EFHD1: variants seen among roughly 807,000 people sequenced by gnomAD.
EFHD1 encodes EF-hand domain family member D1.
Under a neutral mutation model 17.2 loss-of-function variants are expected in EFHD1, and 10 were observed. The observed-to-expected ratio is 0.58, with a 90% CI of 0.36 to 0.99. EFHD1 has a LOEUF of 0.99. Among genes scored for constraint, EFHD1 ranks in the 50% least tolerant of loss-of-function variants. The pLI, the probability that EFHD1 is intolerant of heterozygous loss-of-function variation, is 0.01. For synonymous variants in EFHD1, 153 were observed against 142.0 expected (o/e 1.08, Z -0.55); for missense variants, 310 against 327.5 (o/e 0.95, Z 0.41).
At chr2:232,649,219 G>A (rs994851054) in intron 1 of EFHD1, among the ~76,000 whole-genome samples, 1 of 152,220 alleles carries the variant, frequency 6.6e-6, no homozygotes, top group African/African-American at 2.4e-5. Flanking sequence ...CTGGCCCTGG[G>A]TGGGGTTGGG....
intron 3 of EFHD1, among the ~76,000 whole-genome samples, chr2:232,681,208 A>T (rs541234146): frequency 6.6e-6 from 1 of 152,284 alleles, no homozygotes; most frequent in East Asian, 1.9e-4. Flanking sequence ...CCATCAGGGG[A>T]TTCATTTTGG....
intron 1 of EFHD1, among the ~76,000 whole-genome samples, chr2:232,626,437 A>G (rs1694104964): frequency 6.6e-6 from 1 of 151,658 alleles, no homozygotes; most frequent in Admixed American, 6.6e-5. Context: ...AATCCCAGCT[A>G]CTCTGGAAGC....
upstream of EFHD1, among the ~76,000 whole-genome samples, chr2:232,629,525 G>A (rs900241895): frequency 1.3e-4 from 19 of 151,542 alleles, no homozygotes; most frequent in African/African-American, 4.1e-4. Flanking sequence ...CTGGAGTGCA[G>A]TGGTGCCATC....
In EFHD1 at chr2:232,662,894, A is replaced by G. The variant is rs1694902138; in HGVS notation, c.395A>G (p.Lys132Arg). The G allele has an allele frequency of 6.3e-7, 1 of 1,595,814 alleles. No homozygotes were observed. Among genetic ancestry groups the G allele is most frequent in the Non-Finnish European group, 8.5e-7 (1 of 1,173,084 alleles). The stretch of plus-strand genomic sequence containing the variant: ...GCCCCCCAGACCCACCTGGGCCTGA[A>G]GAGCATGATCAAGGAGGTGGATGAG... ...LGAPQTHLGL[K>R]SMIKEVDEDF... The change falls in exon 2 of 4, where the codon AAG becomes AGG. Residue 132 changes from lysine (K) to arginine (R), a missense_variant. Coordinates refer to ENST00000264059, the MANE Select transcript of EFHD1 (RefSeq NM_025202.4).
At chr2:232,660,101 G>C (rs1234108449) in intron 1 of EFHD1, among the ~76,000 whole-genome samples, 1 of 152,128 alleles carries the variant, frequency 6.6e-6, no homozygotes, top group African/African-American at 2.4e-5. Flanking sequence ...ATTTGGTGGG[G>C]ATGCAGATCC....
intron 1 of EFHD1, among the ~76,000 whole-genome samples, chr2:232,613,662 A>ACACACACACACACAAATC: frequency 1.6e-5 from 1 of 63,102 alleles, no homozygotes; most frequent in Non-Finnish European, 2.9e-5. Flanking sequence ...ACACACAAAT[A>ACACACACACACACAAATC]CACACACACA....
chr2:232,676,154 G>A (rs1168467179), intron 3 of EFHD1, among the ~76,000 whole-genome samples: 3 of 151,868 alleles, frequency 2.0e-5, no homozygotes, highest in Admixed American at 6.6e-5. Context: ...CAGCCTGGGC[G>A]ACAGAGCAAG....
chr2:232,657,266 T>G (rs766261639), intron 1 of EFHD1, among the ~76,000 whole-genome samples: 4 of 152,146 alleles, frequency 2.6e-5, no homozygotes, highest in Non-Finnish European at 5.9e-5. Context: ...TCTACTTCTG[T>G]CTCGATGATT....
chr2:232,655,231 G>GAT, intron 1 of EFHD1, among the ~76,000 whole-genome samples: 1 of 152,070 alleles, frequency 6.6e-6, no homozygotes, highest in African/African-American at 2.4e-5. Flanking sequence ...TGTTGCCCAG[G>GAT]CTGGACTTGA....
chr2:232,660,993 C>T lies in EFHD1; in HGVS notation c.303-1809C>T, dbSNP rs1246441806. ...ACTCCGTCTCAAAAACAAAACAAAA[C>T]AAAAATTAGCTGGGTGTGGTGGCGC... On this transcript the variant is annotated intron_variant, in intron 1 of 3. Transcript: ENST00000264059. Among the ~76,000 whole-genome samples the T allele has an allele frequency of 2.6e-5, 4 of 151,768 alleles. 1 individual carries two copies. The highest frequency in any genetic ancestry group is 9.7e-5 in the African/African-American group (4 of 41,320).
chr2:232,677,700 G>C (rs937021301), intron 3 of EFHD1, among the ~76,000 whole-genome samples: 1 of 152,234 alleles, frequency 6.6e-6, no homozygotes, highest in Middle Eastern at 3.4e-3. Context: ...TCCAGTCTGG[G>C]TGACAGAGTA....
intron 1 of EFHD1, among the ~76,000 whole-genome samples, chr2:232,626,224 A>G (rs745888028): frequency 2.0e-5 from 3 of 151,906 alleles, no homozygotes; most frequent in Admixed American, 6.6e-5. Context: ...TATATCCTTG[A>G]TGAAGCAGGA....
At position 232,660,050 on chromosome 2, in the gene EFHD1, A is replaced by G. The variant is rs568789147; in HGVS notation, c.303-2752A>G. On this transcript the variant is annotated intron_variant, in intron 1 of 3. Coordinates refer to ENST00000264059, the MANE Select transcript of EFHD1 (RefSeq NM_025202.4). ...CCCCATGATCCAACCGCCTCCCACT[A>G]AGTCCCACCTCCAACACTGGGGACT... 3.9e-5 allele frequency among the ~76,000 whole-genome samples: 6 copies of G among 152,218 alleles called. No homozygotes were observed. In the East Asian group the frequency reaches 7.7e-4, roughly 20 times the overall value.
At chr2:232,680,338 A>G (rs1695254864) in intron 3 of EFHD1, among the ~76,000 whole-genome samples, 1 of 150,130 alleles carries the variant, frequency 6.7e-6, no homozygotes, top group Admixed American at 6.7e-5. Flanking sequence ...ACACTCACAG[A>G]ATCAGTTCTA....
chr2:232,639,192 C>T (rs1271092490), intron 1 of EFHD1, among the ~76,000 whole-genome samples: 3 of 151,964 alleles, frequency 2.0e-5, no homozygotes, highest in African/African-American at 4.8e-5. Context: ...ACAGAGCCAT[C>T]GAATTTTATG....
At chr2:232,665,524 C>T (rs1694953415) in intron 2 of EFHD1, among the ~76,000 whole-genome samples, 2 of 151,724 alleles carry the variant, frequency 1.3e-5, no homozygotes, top group South Asian at 2.1e-4. Flanking sequence ...TGGGTTCAAG[C>T]GATTCCCCTG....
chr2:232,627,509 A>G (rs1385407072), intron 1 of EFHD1, among the ~76,000 whole-genome samples: 1 of 152,180 alleles, frequency 6.6e-6, no homozygotes, highest in East Asian at 1.9e-4. Context: ...TGAAAAGCCT[A>G]TTAAATGACA....
Position 232,681,765 on chromosome 2 carries a change from C to T in EFHD1, c.*46C>T. ...GCCCACAGCTGTGCCTCACAGATGC[C>T]CCGAGAAGAGATGACTAGGCATCTT... is the stretch of plus-strand genomic sequence containing the variant. On this transcript the variant is annotated 3_prime_UTR_variant, in exon 4 of 4. Transcript: ENST00000264059. The T allele has an allele frequency of 6.3e-7, 1 of 1,593,946 alleles. No homozygotes were observed.
intron 1 of EFHD1, among the ~76,000 whole-genome samples, chr2:232,611,249 C>T (rs1029496594): frequency 6.6e-6 from 1 of 152,014 alleles, no homozygotes; most frequent in Non-Finnish European, 1.5e-5. Flanking sequence ...GGATTACAAG[C>T]GTGAGTCCCT....
Sources: allele counts gnomAD v4.1 joint callset (sites outside exome capture counted in the v4.1 genomes callset), GRCh38; gene constraint gnomAD v4.1.1; transcripts MANE v1.5; gene names NCBI Gene and HGNC (gene_info 2026-07-23, HGNC 2026-07-21).